The following ACYP2 variants were observed in gnomAD, a reference collection of about 807,000 sequenced individuals.
The protein encoded by ACYP2 is acylphosphatase 2.
A neutral mutation model predicts 11.2 loss-of-function variants in ACYP2; 12 were observed. That is an observed-to-expected ratio of 1.08 (90% CI 0.69 to 1.74). The LOEUF (loss-of-function observed/expected upper bound fraction) is 1.74. Among genes scored for constraint, ACYP2 ranks in the 40% most tolerant of loss-of-function variants. The probability of loss-of-function intolerance (pLI) is 0.00; values close to 1 mark genes in which losing one functional copy is unlikely to be tolerated. For missense variants in ACYP2, 134 were observed against 101.9 expected (o/e 1.31, Z -1.35); for synonymous variants, 43 against 32.2 (o/e 1.33, Z -1.13).
intron 2 of ACYP2, among the ~76,000 whole-genome samples, chr2:54,000,119 A>C (rs1158366095): frequency 6.6e-6 from 1 of 151,552 alleles, no homozygotes; most frequent in African/African-American, 2.4e-5. Context: ...ATTTCTATAT[A>C]ATAGAAATTA....
chr2:54,104,657 A>AATTGTATTGTCATAAAAGTATTTT (rs1375024888), intron 4 of ACYP2, among the ~76,000 whole-genome samples: 1 of 152,220 alleles, frequency 6.6e-6, no homozygotes, highest in Non-Finnish European at 1.5e-5. Flanking sequence ...TCACTTTGAC[A>AATTGTATTGTCATAAAAGTATTTT]ATGAGAAAGT....
At chr2:54,061,311 A>C (rs2103631907) in intron 4 of ACYP2, among the ~76,000 whole-genome samples, 1 of 152,344 alleles carries the variant, frequency 6.6e-6, no homozygotes, top group South Asian at 2.1e-4. Context: ...TCCTGGTAAA[A>C]ACACTTAATT....
At chr2:54,118,659 A>G (rs1361329303) in intron 4 of ACYP2, among the ~76,000 whole-genome samples, 1 of 152,254 alleles carries the variant, frequency 6.6e-6, no homozygotes. Flanking sequence ...GTAACACGGT[A>G]TATAATCAAT....
chr2:54,089,553 C>G (rs540482493), intron 4 of ACYP2, among the ~76,000 whole-genome samples: 2 of 151,888 alleles, frequency 1.3e-5, no homozygotes, highest in African/African-American at 4.8e-5. Flanking sequence ...GCCTGGGCAA[C>G]ATAGTGAGAA....
intron 2 of ACYP2, among the ~76,000 whole-genome samples, chr2:53,997,531 C>T (rs968866157): frequency 1.4e-5 from 2 of 144,758 alleles, no homozygotes; most frequent in Non-Finnish European, 3.1e-5. Context: ...ATCTCGAACT[C>T]CTGACCTCAG....
intron 4 of ACYP2, among the ~76,000 whole-genome samples, chr2:54,105,480 T>C (rs1239180179): frequency 1.3e-5 from 2 of 152,050 alleles, no homozygotes; most frequent in African/African-American, 4.8e-5. Flanking sequence ...TTTAAATTTA[T>C]TTATTTATTT....
At chr2:54,115,620 T>C in intron 4 of ACYP2, 1 of 1,562,676 alleles carries the variant, frequency 6.4e-7, no homozygotes, top group South Asian at 1.2e-5. Context: ...GTCCCATGTG[T>C]CCCCTCCCTC....
chr2:54,105,423 T>C (rs1185503766), intron 4 of ACYP2, among the ~76,000 whole-genome samples: 8 of 152,134 alleles, frequency 5.3e-5, no homozygotes, highest in African/African-American at 1.9e-4. Flanking sequence ...CCAGAGACCT[T>C]CCCAGACAAC....
At chr2:54,189,308 C>G (rs759815708) in intron 6 of ACYP2, among the ~76,000 whole-genome samples, 1 of 152,152 alleles carries the variant, frequency 6.6e-6, no homozygotes, top group Non-Finnish European at 1.5e-5. Flanking sequence ...GTCCTCTGAT[C>G]TACATTTCCC....
chr2:54,078,088 A>G (rs1438936765), intron 4 of ACYP2, among the ~76,000 whole-genome samples: 1 of 151,528 alleles, frequency 6.6e-6, no homozygotes, highest in African/African-American at 2.4e-5. Flanking sequence ...CTGGGATTAC[A>G]GGTGCTCACC....
chr2:54,202,616 C>T (rs943097967), intron 6 of ACYP2, among the ~76,000 whole-genome samples: 8 of 138,520 alleles, frequency 5.8e-5, no homozygotes, highest in Admixed American at 2.3e-4. Flanking sequence ...CCATGTTGGC[C>T]GGGTTGGTTT....
chr2:54,224,066 T>C (rs1685904535), intron 6 of ACYP2, among the ~76,000 whole-genome samples: 1 of 152,136 alleles, frequency 6.6e-6, no homozygotes, highest in South Asian at 2.1e-4. Context: ...CTAAATACTG[T>C]TAGTCCAGTC....
chr2:54,101,622 C>A (rs1431976975), intron 4 of ACYP2, among the ~76,000 whole-genome samples: 1 of 145,222 alleles, frequency 6.9e-6, no homozygotes. Context: ...TGCAGTGAGC[C>A]AAGATTGCGC....
intron 6 of ACYP2, among the ~76,000 whole-genome samples, chr2:54,244,974 C>T (rs914175660): frequency 1.3e-5 from 2 of 152,104 alleles, no homozygotes; most frequent in African/African-American, 4.8e-5. Flanking sequence ...TAAAACAGAA[C>T]TTATTCTTCC....
chr2:54,110,573 T>C (rs975415622), intron 4 of ACYP2, among the ~76,000 whole-genome samples: 15 of 152,200 alleles, frequency 9.9e-5, no homozygotes, highest in African/African-American at 3.6e-4. Flanking sequence ...AACAAAACCA[T>C]AGTTATAGCT....
intron 2 of ACYP2, among the ~76,000 whole-genome samples, chr2:54,041,550 T>A (rs903084173): frequency 1.3e-5 from 2 of 152,216 alleles, no homozygotes; most frequent in Admixed American, 1.3e-4. Context: ...ATCATGAATT[T>A]AAAGTGAGAT....
rs59874821 is a variant in ACYP2, at chr2:54,201,636, C to CTTTCTTTCTCTT, written c.404+62889_404+62890insTTCTTTCTCTTT. On this transcript the variant is annotated intron_variant, in intron 6 of 6. Transcript: ENST00000607452. ...TCTTTCTTTCTTTGTTTCTTTCTTT[C>CTTTCTTTCTCTT]TCTTTCTTTCTTTCTTTCTTTCTTT... 4.7e-4 allele frequency among the ~76,000 whole-genome samples: 44 copies of CTTTCTTTCTCTT among 93,694 alleles called. 3 individuals carry two copies. The highest frequency in any genetic ancestry group is 1.3e-3 in the African/African-American group (31 of 23,540). 61.5% of individuals were successfully genotyped at this position (93,694 alleles called of 152,430 possible).
intron 2 of ACYP2, among the ~76,000 whole-genome samples, chr2:54,013,297 GTGTGTGTGTGTGTGTGTGTT>G (rs1236905073): frequency 1.4e-5 from 2 of 143,844 alleles, no homozygotes; most frequent in Non-Finnish European, 3.0e-5. Flanking sequence ...GTGTGTGTGT[GTGTGTGTGTGTGTGTGTGTT>G]TTGAGACAGA....
chr2:53,973,822 A>G (rs1484516823), intron 2 of ACYP2: 6 of 288,580 alleles, frequency 2.1e-5, no homozygotes, highest in African/African-American at 1.3e-4. Context: ...TACTTGGAAT[A>G]AAAGGAGGGA....
Sources: gnomAD v4.1 joint callset for allele counts (sites outside exome capture counted in the v4.1 genomes callset) on GRCh38, gnomAD v4.1.1 for gene constraint, MANE v1.5 for transcripts, NCBI Gene and HGNC (gene_info 2026-07-23, HGNC 2026-07-21) for gene names.